The following GBE1 variants were observed in gnomAD, a reference collection of about 807,000 sequenced individuals.
GBE1 encodes the protein 1,4-alpha-glucan branching enzyme 1.
GBE1 carries 70 observed loss-of-function variants against 88.8 expected under a neutral mutation model. The ratio of observed to expected loss-of-function variants is 0.79; its 90% CI spans 0.65 to 0.96. GBE1 has a LOEUF of 0.96. GBE1 is among the 40% of genes least tolerant of loss of function. The pLI, the probability that GBE1 is intolerant of heterozygous loss-of-function variation, is 0.00. For missense variants in GBE1, 872 were observed against 871.0 expected, an observed-to-expected ratio of 1.00 and a Z score of -0.01; for synonymous variants, 284 against 300.1, an observed-to-expected ratio of 0.95 and a Z score of 0.56.
At chr3:81,755,197 C>T (rs559223031) in intron 1 of GBE1, among the ~76,000 whole-genome samples, 19 of 151,938 alleles carry the variant, frequency 1.3e-4, no homozygotes, top group Admixed American at 7.2e-4. Context: ...TATAAATGGC[C>T]GACAGGTGTA....
intron 12 of GBE1, among the ~76,000 whole-genome samples, chr3:81,564,431 A>G (rs528449036): frequency 6.6e-6 from 1 of 152,186 alleles, no homozygotes; most frequent in Non-Finnish European, 1.5e-5. Context: ...CCAAAGGAAG[A>G]AATGTAGCAG....
intron 1 of GBE1, among the ~76,000 whole-genome samples, chr3:81,739,683 C>G (rs986152597): frequency 6.6e-6 from 1 of 152,114 alleles, no homozygotes; most frequent in African/African-American, 2.4e-5. Context: ...TCTCTAGTTA[C>G]CTTTTTTTAT....
chr3:81,649,591 C>G (rs371535939), intron 4 of GBE1, among the ~76,000 whole-genome samples: 2 of 151,702 alleles, frequency 1.3e-5, no homozygotes, highest in East Asian at 3.9e-4. Flanking sequence ...AAAACATAGA[C>G]AACACAAAAA....
At chr3:81,699,100 T>C (rs980423519) in intron 2 of GBE1, among the ~76,000 whole-genome samples, 1 of 152,130 alleles carries the variant, frequency 6.6e-6, no homozygotes, top group African/African-American at 2.4e-5. Flanking sequence ...TTTGCCAAAA[T>C]AAACAGTTTC....
At chr3:81,697,486 G>A (rs1705616394) in intron 2 of GBE1, among the ~76,000 whole-genome samples, 2 of 151,972 alleles carry the variant, frequency 1.3e-5, no homozygotes, top group South Asian at 4.1e-4. Flanking sequence ...ATTTTTAGTG[G>A]AGACAGGATT....
intron 9 of GBE1, among the ~76,000 whole-genome samples, chr3:81,586,957 A>G (rs1576159819): frequency 6.6e-6 from 1 of 151,830 alleles, no homozygotes; most frequent in East Asian, 1.9e-4. Flanking sequence ...CTCAGCTAAT[A>G]TTTTTTATAT....
chr3:81,575,854 A>G (rs1045375072), intron 12 of GBE1, among the ~76,000 whole-genome samples: 1 of 152,176 alleles, frequency 6.6e-6, no homozygotes, highest in South Asian at 2.1e-4. Context: ...AATATTCTTT[A>G]ATACATGGGA....
chr3:81,702,227 C>A lies in GBE1; in HGVS notation c.313+3217G>T, dbSNP rs190487299. 6.6e-5 allele frequency among the ~76,000 whole-genome samples: 10 copies of A among 150,458 alleles called. No homozygotes were observed. The East Asian group carries it at 2.0e-3, about 30-fold the overall frequency. On this transcript the variant is annotated intron_variant, in intron 2 of 15. Coordinates refer to ENST00000429644, the MANE Select transcript of GBE1 (RefSeq NM_000158.4). ...GTAGGTTGTCATCACAATAAAAATT[C>A]TGTGTTCACTAAAGTCATACTGACC...
At chr3:81,532,573 C>G (rs1426811394) in intron 14 of GBE1, among the ~76,000 whole-genome samples, 1 of 152,040 alleles carries the variant, frequency 6.6e-6, no homozygotes, top group Non-Finnish European at 1.5e-5. Context: ...CTTCCAATCT[C>G]TTTCCTCATG....
At chr3:81,506,636 C>T (rs1702658135) in intron 14 of GBE1, among the ~76,000 whole-genome samples, 1 of 152,088 alleles carries the variant, frequency 6.6e-6, no homozygotes, top group Non-Finnish European at 1.5e-5. Flanking sequence ...CACTGCAGCA[C>T]TATTCACAAT....
intron 8 of GBE1, 64 bp from the exon 9 acceptor site, chr3:81,591,228 T>C (rs1576161323): frequency 8.2e-7 from 1 of 1,224,502 alleles, no homozygotes; most frequent in East Asian, 2.6e-5. Context: ...TCTGCACAAA[T>C]ACATTCACCA....
intron 1 of GBE1, among the ~76,000 whole-genome samples, chr3:81,761,130 G>A (rs973507598): frequency 6.6e-6 from 1 of 152,246 alleles, no homozygotes; most frequent in Admixed American, 6.5e-5. Flanking sequence ...GATTAGAACA[G>A]AGGGGAAAGG....
intron 14 of GBE1, among the ~76,000 whole-genome samples, chr3:81,513,419 C>T (rs574402031): frequency 2.0e-5 from 3 of 150,982 alleles, no homozygotes; most frequent in South Asian, 4.2e-4. Flanking sequence ...CTAGGACATG[C>T]GAAAAAACAA....
Position 81,637,038 on chromosome 3 carries a change from CTG to C in GBE1, c.992+5741_992+5742del, listed in dbSNP as rs373153329. On this transcript the variant is annotated intron_variant, in intron 7 of 15. Transcript: ENST00000429644. ...TGGATAATACCAAACCCTATATATA[CTG>C]TGTCTTTATACATACATACCTATGA... Among the ~76,000 whole-genome samples the C allele has an allele frequency of 4.9e-3, 753 of 152,224 alleles. 4 individuals carry two copies. The highest frequency in any genetic ancestry group is 0.016 in the African/African-American group (671 of 41,548).
chr3:81,748,296 T>C (rs759028037), intron 1 of GBE1, among the ~76,000 whole-genome samples: 3 of 152,194 alleles, frequency 2.0e-5, no homozygotes, highest in African/African-American at 7.2e-5. Flanking sequence ...GACATAGCAC[T>C]ATATACCTAT....
At chr3:81,671,549 T>A (rs187930236) in intron 2 of GBE1, among the ~76,000 whole-genome samples, 1 of 152,046 alleles carries the variant, frequency 6.6e-6, no homozygotes, top group Non-Finnish European at 1.5e-5. Flanking sequence ...AAGGGAGGCA[T>A]TAAAAACCAG....
At chr3:81,740,430 A>G (rs1233396485) in intron 1 of GBE1, among the ~76,000 whole-genome samples, 1 of 151,994 alleles carries the variant, frequency 6.6e-6, no homozygotes, top group Non-Finnish European at 1.5e-5. Context: ...CCTTTAAGAA[A>G]AGCCAAAACA....
intron 12 of GBE1, among the ~76,000 whole-genome samples, chr3:81,538,325 T>C (rs533334894): frequency 2.0e-4 from 31 of 152,134 alleles, no homozygotes; most frequent in African/African-American, 7.5e-4. Flanking sequence ...TGCTAAGAAA[T>C]TCTGCAACTT....
chr3:81,722,886 G>GTA (rs1417990899), intron 1 of GBE1, among the ~76,000 whole-genome samples: 5 of 104,854 alleles, frequency 4.8e-5, no homozygotes, highest in Admixed American at 2.0e-4. Context: ...ACACGTGTGT[G>GTA]TGTGTGTGTG....
Sources: allele counts gnomAD v4.1 joint callset (sites outside exome capture counted in the v4.1 genomes callset), GRCh38; gene constraint gnomAD v4.1.1; transcripts MANE v1.5; gene names NCBI Gene and HGNC (gene_info 2026-07-23, HGNC 2026-07-21).